CDK14: variants seen among roughly 807,000 people sequenced by gnomAD.
The protein encoded by CDK14 is cyclin-dependent kinase 14.
In CDK14, 34 loss-of-function variants were observed where a neutral mutation model predicts 60.7. The ratio of observed to expected loss-of-function variants is 0.56; its 90% CI spans 0.43 to 0.75. The LOEUF (loss-of-function observed/expected upper bound fraction) is 0.75, where lower values mean the gene tolerates loss of function less well. Among genes scored for constraint, CDK14 ranks in the 30% least tolerant of loss-of-function variants. The pLI, the probability that CDK14 is intolerant of heterozygous loss-of-function variation, is 0.00. For synonymous variants in CDK14, 197 were observed against 203.7 expected (o/e 0.97, Z 0.28); for missense variants, 482 against 564.1 (o/e 0.85, Z 1.47).
intron 12 of CDK14, among the ~76,000 whole-genome samples, chr7:91,092,525 A>T (rs1472911496): frequency 6.6e-6 from 1 of 152,218 alleles, no homozygotes; most frequent in Non-Finnish European, 1.5e-5. Context: ...GTTCCCTGCC[A>T]TTGTAAGATT....
chr7:90,685,834 C>CA (rs1801423813), intron 2 of CDK14, among the ~76,000 whole-genome samples: 1 of 151,860 alleles, frequency 6.6e-6, no homozygotes, highest in South Asian at 2.1e-4. Flanking sequence ...GTTCTCTCTC[C>CA]AGTCATTTTC....
At chr7:90,731,371 C>T (rs998203664) in intron 3 of CDK14, among the ~76,000 whole-genome samples, 1 of 152,122 alleles carries the variant, frequency 6.6e-6, no homozygotes. Context: ...TTTTCCAGTT[C>T]TGTGAAGAAA....
chr7:91,004,565 C>G (rs1795928523), intron 10 of CDK14, among the ~76,000 whole-genome samples: 1 of 152,138 alleles, frequency 6.6e-6, no homozygotes, highest in Non-Finnish European at 1.5e-5. Context: ...TTGAAGGAGA[C>G]TCCTATTTCC....
intron 4 of CDK14, among the ~76,000 whole-genome samples, chr7:90,753,079 A>G (rs1047930609): frequency 2.0e-5 from 3 of 152,210 alleles, no homozygotes; most frequent in Admixed American, 1.3e-4. Flanking sequence ...AAGAGATGGT[A>G]TCAATTCTAC....
chr7:91,205,013 C>A (rs541098262), intron 14 of CDK14, among the ~76,000 whole-genome samples: 3 of 151,582 alleles, frequency 2.0e-5, no homozygotes, highest in Admixed American at 1.3e-4. Flanking sequence ...CAGTTCATAC[C>A]CACTAGGATG....
intron 2 of CDK14, among the ~76,000 whole-genome samples, chr7:90,637,604 A>G (rs1430755521): frequency 1.1e-4 from 16 of 151,858 alleles, no homozygotes. Context: ...CAAAAAATGT[A>G]TATTCTGTTG....
intron 12 of CDK14, among the ~76,000 whole-genome samples, chr7:91,082,886 CAG>C (rs1330146268): frequency 6.6e-6 from 1 of 152,134 alleles, no homozygotes; most frequent in Non-Finnish European, 1.5e-5. Flanking sequence ...AGATTTAAGT[CAG>C]AGAATTCGCA....
Position 91,205,005 on chromosome 7 carries a change from G to A in CDK14, c.*29-2160G>A, listed in dbSNP as rs527396771. On this transcript the variant is annotated intron_variant, in intron 14 of 14. Coordinates refer to ENST00000380050, the MANE Select transcript of CDK14 (RefSeq NM_001287135.2). The stretch of plus-strand genomic sequence containing the variant: ...ATTAGGGAAATGCAAGTGCAAATCA[G>A]TTCATACCCACTAGGATGGCTATAA... 8.6e-5 allele frequency among the ~76,000 whole-genome samples: 13 copies of A among 151,492 alleles called. No homozygotes were observed. In the South Asian group the frequency reaches 2.5e-3, roughly 29 times the overall value.
At chr7:90,890,931 G>T (rs901086818) in intron 6 of CDK14, among the ~76,000 whole-genome samples, 38 of 152,268 alleles carry the variant, frequency 2.5e-4, no homozygotes, top group African/African-American at 8.2e-4. Context: ...TCAAAGTTCA[G>T]AACCACCCTT....
chr7:90,639,977 G>T (rs891383857), intron 2 of CDK14, among the ~76,000 whole-genome samples: 1 of 152,128 alleles, frequency 6.6e-6, no homozygotes, highest in African/African-American at 2.4e-5. Context: ...TAGGAAAAGC[G>T]CAGTATTCGG....
rs1251804620 is a variant in CDK14 at position 90,653,359 on chromosome 7, A to G, written c.123+49110A>G. ...GACCCGTTTTAATTTTTTTCAGTCT[A>G]TTAACAGCTATATAATCAGATTTAT... is the stretch of plus-strand genomic sequence containing the variant. On this transcript the variant is annotated intron_variant, in intron 2 of 14. Transcript: ENST00000380050. Among the ~76,000 whole-genome samples, 3 of 152,092 alleles carry G rather than the reference A, an allele frequency of 2.0e-5. No individual in the cohort carries two copies. The East Asian group carries it at 5.8e-4, about 29-fold the overall frequency.
rs575758767 is a variant in CDK14 at position 91,079,546 on chromosome 7, T to A, written c.1154+66T>A. 300 of 1,148,692 alleles carry A rather than the reference T, an allele frequency of 2.6e-4. 3 individuals are homozygous for A. In the South Asian group the frequency reaches 3.2e-3, roughly 12 times the overall value. 71.2% of individuals were successfully genotyped at this position (1,148,692 alleles called of 1,614,324 possible). ...CTTTTAATATTTACAACTCTTCTCA[T>A]ACGTTTTTCATGGCATTGTTGATTC... is the stretch of plus-strand genomic sequence containing the variant. On this transcript the variant is annotated intron_variant, in intron 12 of 14. Coordinates refer to ENST00000380050, the MANE Select transcript of CDK14 (RefSeq NM_001287135.2).
At chr7:90,981,804 A>AAACAAAACAAAACAAAACAC (rs1554397484) in intron 9 of CDK14, among the ~76,000 whole-genome samples, 10 of 1,674 alleles carry the variant, frequency 6.0e-3, no homozygotes, top group Admixed American at 0.054. Flanking sequence ...AGAGTTCTAG[A>AAACAAAACAAAACAAAACAC]AACAAAACAA....
intron 7 of CDK14, among the ~76,000 whole-genome samples, chr7:90,906,956 C>T (rs532626316): frequency 4.6e-4 from 70 of 151,982 alleles, no homozygotes; most frequent in Non-Finnish European, 9.4e-4. Flanking sequence ...ACTTTAATTG[C>T]TTACAAAATG....
intron 2 of CDK14, among the ~76,000 whole-genome samples, chr7:90,653,751 G>T (rs1357750296): frequency 2.6e-5 from 4 of 152,122 alleles, no homozygotes; most frequent in Non-Finnish European, 5.9e-5. Context: ...CATGTGCCAT[G>T]TTGGTGTGCT....
chr7:90,690,718 A>G (rs919501990), intron 2 of CDK14, among the ~76,000 whole-genome samples: 1 of 137,630 alleles, frequency 7.3e-6, no homozygotes, highest in African/African-American at 2.7e-5. Context: ...GTGTCATTTT[A>G]TGAGCCGCAA....
chr7:91,052,712 T>C (rs73398948), intron 11 of CDK14, among the ~76,000 whole-genome samples: 3,974 of 152,292 alleles, frequency 0.026, 157 homozygotes, highest in African/African-American at 0.089. Flanking sequence ...AAATTTAGAA[T>C]AAAATAATTA....
rs1033748063 is a variant in CDK14, at chr7:91,130,213, A to C, written c.*28+12005A>C. On this transcript the variant is annotated intron_variant, in intron 14 of 14. Coordinates refer to ENST00000380050, the MANE Select transcript of CDK14 (RefSeq NM_001287135.2). ...ATGTAGAAACATATTTGTGAACCCA[A>C]CTCTCTTCTATCCAGCCACTCATTG... 4.6e-5 allele frequency among the ~76,000 whole-genome samples: 7 copies of C among 152,166 alleles called. No individual in the cohort carries two copies. The East Asian group carries it at 1.4e-3, about 29-fold the overall frequency.
intron 6 of CDK14, among the ~76,000 whole-genome samples, chr7:90,883,807 C>A (rs1209377821): frequency 6.6e-6 from 1 of 152,190 alleles, no homozygotes; most frequent in African/African-American, 2.4e-5. Context: ...TAAATGTAAT[C>A]CATCACATAA....
Sources: gnomAD v4.1 joint callset for allele counts (sites outside exome capture counted in the v4.1 genomes callset) on GRCh38, gnomAD v4.1.1 for gene constraint, MANE v1.5 for transcripts, NCBI Gene and HGNC (gene_info 2026-07-23, HGNC 2026-07-21) for gene names.